LRRTM4: variants seen among roughly 807,000 people sequenced by gnomAD.
LRRTM4 encodes leucine-rich repeat transmembrane neuronal protein 4.
LRRTM4 carries 25 observed loss-of-function variants against 47.6 expected under a neutral mutation model. The observed-to-expected ratio is 0.53, with a 90% CI of 0.38 to 0.73. The LOEUF is 0.73. Ranked by LOEUF, LRRTM4 falls within the 30% of genes least tolerant of loss-of-function variation. The pLI, the probability that LRRTM4 is intolerant of heterozygous loss-of-function variation, is 0.00. For synonymous variants in LRRTM4, 311 were observed against 269.5 expected, an observed-to-expected ratio of 1.15 and a Z score of -1.51; for missense variants, 638 against 713.4, an observed-to-expected ratio of 0.89 and a Z score of 1.20.
At chr2:77,478,688 A>G (rs886284827) in intron 3 of LRRTM4, among the ~76,000 whole-genome samples, 1 of 152,198 alleles carries the variant, frequency 6.6e-6, no homozygotes, top group Non-Finnish European at 1.5e-5. Context: ...TCAACTAGAT[A>G]AAATGAAGTT....
chr2:76,820,962 T>C (rs1455666219), intron 3 of LRRTM4, among the ~76,000 whole-genome samples: 3 of 151,664 alleles, frequency 2.0e-5, no homozygotes, highest in African/African-American at 7.3e-5. Context: ...TCTGAAATTC[T>C]TTTTTTGCAT....
chr2:76,846,058 T>A (rs1171514116), intron 3 of LRRTM4, among the ~76,000 whole-genome samples: 3 of 152,108 alleles, frequency 2.0e-5, no homozygotes, highest in Non-Finnish European at 4.4e-5. Context: ...TTTTCATATA[T>A]ATGCGCATTC....
rs570110954 is a variant in LRRTM4, at chr2:77,252,213, T to C, written c.1551+266105A>G. Among the ~76,000 whole-genome samples the C allele has an allele frequency of 1.4e-4, 21 of 152,250 alleles. No homozygotes were observed. The South Asian group carries it at 3.3e-3, about 24-fold the overall frequency. On this transcript the variant is annotated intron_variant, in intron 3 of 3. Coordinates refer to ENST00000409884, the MANE Select transcript of LRRTM4 (RefSeq NM_001134745.3). ...GGAAGTTGCTGGAGCATGTAAGGGG[T>C]GTAAATCTTGATCCAACTATAGCCT...
At chr2:77,227,538 CA>C (rs1359241951) in intron 3 of LRRTM4, among the ~76,000 whole-genome samples, 1 of 151,464 alleles carries the variant, frequency 6.6e-6, no homozygotes, top group Non-Finnish European at 1.5e-5. Context: ...TATTTTTTTT[CA>C]AAATCACAAA....
chr2:76,912,389 TTA>T (rs1674101274), intron 3 of LRRTM4, among the ~76,000 whole-genome samples: 1 of 152,222 alleles, frequency 6.6e-6, no homozygotes, highest in Non-Finnish European at 1.5e-5. Context: ...CTATTTTCAG[TTA>T]CATTTCTTAC....
At chr2:77,500,629 ATAAG>A (rs1229875187) in intron 3 of LRRTM4, among the ~76,000 whole-genome samples, 2 of 151,708 alleles carry the variant, frequency 1.3e-5, no homozygotes, top group Non-Finnish European at 3.0e-5. Context: ...GAAAATCAAC[ATAAG>A]TAAGTAGAGC....
At chr2:77,086,801 T>C (rs1399611771) in intron 3 of LRRTM4, among the ~76,000 whole-genome samples, 1 of 152,076 alleles carries the variant, frequency 6.6e-6, no homozygotes, top group Admixed American at 6.6e-5. Flanking sequence ...GGCCTATATG[T>C]AATAATTTTA....
At chr2:76,875,861 C>T (rs1424119415) in intron 3 of LRRTM4, among the ~76,000 whole-genome samples, 1 of 152,134 alleles carries the variant, frequency 6.6e-6, no homozygotes, top group Non-Finnish European at 1.5e-5. Context: ...CTGGGGACAA[C>T]TGCCACAGGC....
At chr2:76,844,811 C>T (rs1048504637) in intron 3 of LRRTM4, among the ~76,000 whole-genome samples, 3 of 152,060 alleles carry the variant, frequency 2.0e-5, no homozygotes, top group African/African-American at 7.2e-5. Context: ...CAAACTCATA[C>T]ATATTGTGTA....
At chr2:76,830,989 A>T (rs538749996) in intron 3 of LRRTM4, among the ~76,000 whole-genome samples, 1 of 152,244 alleles carries the variant, frequency 6.6e-6, no homozygotes, top group Non-Finnish European at 1.5e-5. Flanking sequence ...ACTTAGCATA[A>T]TTGGATTTGA....
At chr2:77,343,511 T>C (rs115696670) in intron 3 of LRRTM4, among the ~76,000 whole-genome samples, 1,625 of 152,028 alleles carry the variant, frequency 0.011, 38 homozygotes, top group African/African-American at 0.038. Context: ...ATTTGGTTTT[T>C]AATTTTAGTC....
intron 3 of LRRTM4, among the ~76,000 whole-genome samples, chr2:77,156,177 T>C (rs902650813): frequency 5.3e-5 from 8 of 152,018 alleles, no homozygotes; most frequent in African/African-American, 1.9e-4. Flanking sequence ...AATTATAATT[T>C]ATAAACACCA....
intron 3 of LRRTM4, among the ~76,000 whole-genome samples, chr2:76,804,183 G>C (rs1675845694): frequency 6.6e-6 from 1 of 152,080 alleles, no homozygotes; most frequent in Admixed American, 6.6e-5. Flanking sequence ...ACCTGGAGAT[G>C]GTCTTGGGCA....
At chr2:77,156,058 G>C (rs1672551670) in intron 3 of LRRTM4, among the ~76,000 whole-genome samples, 1 of 151,952 alleles carries the variant, frequency 6.6e-6, no homozygotes, top group Non-Finnish European at 1.5e-5. Context: ...AATTAAAAGA[G>C]AAAGATATAG....
At chr2:77,396,578 T>C (rs1419558177) in intron 3 of LRRTM4, among the ~76,000 whole-genome samples, 1 of 151,984 alleles carries the variant, frequency 6.6e-6, no homozygotes, top group East Asian at 1.9e-4. Flanking sequence ...ATTTAGTCTT[T>C]ATAAAAGTTT....
At chr2:76,965,732 C>A (rs1359224631) in intron 3 of LRRTM4, among the ~76,000 whole-genome samples, 1 of 151,316 alleles carries the variant, frequency 6.6e-6, no homozygotes, top group Non-Finnish European at 1.5e-5. Flanking sequence ...CATGTTCTAA[C>A]TGTAAAATAC....
chr2:77,254,280 A>G (rs1323090105), intron 3 of LRRTM4, among the ~76,000 whole-genome samples: 1 of 152,014 alleles, frequency 6.6e-6, no homozygotes, highest in African/African-American at 2.4e-5. Flanking sequence ...GAAAAGAACT[A>G]TCATCCTAGA....
At chr2:77,007,962 A>G (rs1677720431) in intron 3 of LRRTM4, among the ~76,000 whole-genome samples, 1 of 152,150 alleles carries the variant, frequency 6.6e-6, no homozygotes, top group Admixed American at 6.6e-5. Flanking sequence ...TTCACTGAAA[A>G]TGCACACTTT....
At position 77,382,679 on chromosome 2, in the gene LRRTM4, C is replaced by T. The variant is rs566241002; in HGVS notation, c.1551+135639G>A. 3.3e-5 allele frequency among the ~76,000 whole-genome samples: 5 copies of T among 152,138 alleles called. No individual in the cohort carries two copies. The East Asian group carries it at 7.7e-4, about 24-fold the overall frequency. ...CAGTGACGATAAAATGACCTTTTAC[C>T]TAAAACTGTTTAGTGGGAAATCATG... On this transcript the variant is annotated intron_variant, in intron 3 of 3. Transcript: ENST00000409884.
Sources: allele counts gnomAD v4.1 joint callset (sites outside exome capture counted in the v4.1 genomes callset), GRCh38; gene constraint gnomAD v4.1.1; transcripts MANE v1.5; gene names NCBI Gene and HGNC (gene_info 2026-07-23, HGNC 2026-07-21).